CREB5: variants seen among roughly 807,000 people sequenced by gnomAD.
CREB5 encodes cyclic AMP-responsive element-binding protein 5.
In CREB5, 19 loss-of-function variants were observed where a neutral mutation model predicts 57.1. The ratio of observed to expected loss-of-function variants is 0.33; its 90% confidence interval spans 0.23 to 0.49. The LOEUF is 0.49. CREB5 is among the 20% of genes least tolerant of loss of function. CREB5 has a pLI of 0.99. For missense variants in CREB5, 579 were observed against 671.6 expected (o/e 0.86, Z 1.52); for synonymous variants, 238 against 238.3 (o/e 1.00, Z 0.01).
In CREB5 at chr7:28,821,903, C is replaced by T. The variant is rs1251151612; in HGVS notation, c.*2624C>T. On this transcript the variant is annotated 3_prime_UTR_variant, in exon 11 of 11. Coordinates refer to ENST00000357727, the MANE Select transcript of CREB5 (RefSeq NM_182898.4). ...TTAATAAAATGGATTTTTAAAAAAT[C>T]CACTAGTAATATCAGAATGTCCAGG... 1 of 152,568 alleles carries T rather than the reference C, an allele frequency of 6.6e-6. No homozygotes were observed. Among genetic ancestry groups the T allele is most frequent in the Non-Finnish European group, 1.5e-5 (1 of 68,030 alleles). The allele number at this position is 152,568 out of a possible 1,614,324, so 9.5% of individuals were successfully genotyped here.
At chr7:28,608,113 T>TCTCTCTCTCACACACA in intron 5 of CREB5, among the ~76,000 whole-genome samples, 1 of 143,178 alleles carries the variant, frequency 7.0e-6, no homozygotes, top group African/African-American at 2.7e-5. Flanking sequence ...TCTCTCTCTC[T>TCTCTCTCTCACACACA]CACACACACT....
intron 4 of CREB5, among the ~76,000 whole-genome samples, chr7:28,533,401 A>G (rs1793816464): frequency 6.6e-6 from 1 of 152,220 alleles, no homozygotes; most frequent in African/African-American, 2.4e-5. Flanking sequence ...TCCGGGCCAT[A>G]AGACACATGG....
chr7:28,765,569 T>C (rs1805917628), intron 7 of CREB5, among the ~76,000 whole-genome samples: 1 of 151,968 alleles, frequency 6.6e-6, no homozygotes, highest in Non-Finnish European at 1.5e-5. Flanking sequence ...GGAGCCATGA[T>C]ATAGGTAGAC....
chr7:28,334,790 C>T (rs1451164090), intron 1 of CREB5, among the ~76,000 whole-genome samples: 1 of 152,110 alleles, frequency 6.6e-6, no homozygotes, highest in Admixed American at 6.5e-5. Flanking sequence ...AGTCCAATGT[C>T]CTGGAGAGTT....
chr7:28,570,700 T>C (rs995158184), intron 5 of CREB5, among the ~76,000 whole-genome samples, 163 bp downstream of exon 5: 2 of 152,114 alleles, frequency 1.3e-5, no homozygotes, highest in Non-Finnish European at 1.5e-5. Context: ...GAGGAGTCTC[T>C]GCTTGGTAGA....
intron 4 of CREB5, among the ~76,000 whole-genome samples, chr7:28,551,996 TTCTC>T (rs890435394): frequency 1.6e-4 from 4 of 25,252 alleles, no homozygotes; most frequent in Non-Finnish European, 2.4e-4. Flanking sequence ...TTTCTCTCTT[TTCTC>T]TCTCTCTCTC....
chr7:28,367,316 G>A (rs73086452), intron 1 of CREB5, among the ~76,000 whole-genome samples: 27,153 of 152,050 alleles, frequency 0.18, 2,756 homozygotes, highest in South Asian at 0.27. Flanking sequence ...GGCCCAATTG[G>A]CATCCCACAC....
intron 7 of CREB5, among the ~76,000 whole-genome samples, chr7:28,770,464 A>G (rs1308752680): frequency 6.6e-6 from 1 of 152,242 alleles, no homozygotes; most frequent in Non-Finnish European, 1.5e-5. Context: ...AAGTATGAGA[A>G]AGAGAAAGAA....
At chr7:28,638,574 T>A (rs1257886111) in intron 5 of CREB5, among the ~76,000 whole-genome samples, 2 of 152,112 alleles carry the variant, frequency 1.3e-5, no homozygotes, top group Non-Finnish European at 2.9e-5. Context: ...CTTGAATTCC[T>A]GGGCTCAAGA....
At chr7:28,506,713 A>G (rs1792491554) in intron 3 of CREB5, among the ~76,000 whole-genome samples, 1 of 152,248 alleles carries the variant, frequency 6.6e-6, no homozygotes, top group African/African-American at 2.4e-5. Context: ...CAACTCAAGT[A>G]CACCTTCACC....
At chr7:28,539,108 C>A (rs1794097271) in intron 4 of CREB5, among the ~76,000 whole-genome samples, 1 of 152,222 alleles carries the variant, frequency 6.6e-6, no homozygotes, top group Admixed American at 6.5e-5. Context: ...GTTGCTTAAT[C>A]TCTACATGTC....
chr7:28,675,306 T>TGA (rs1800266029), intron 5 of CREB5, among the ~76,000 whole-genome samples: 1 of 152,228 alleles, frequency 6.6e-6, no homozygotes, highest in Non-Finnish European at 1.5e-5. Flanking sequence ...TTGTTTTGTT[T>TGA]CCTTCTGTGT....
intron 7 of CREB5, among the ~76,000 whole-genome samples, chr7:28,767,738 T>C (rs746917480): frequency 1.1e-4 from 16 of 152,246 alleles, no homozygotes; most frequent in Non-Finnish European, 1.5e-4. Flanking sequence ...CTAAGTTGCA[T>C]CGCATCTGTA....
At chr7:28,437,582 G>A (rs1411916159) in intron 1 of CREB5, among the ~76,000 whole-genome samples, 2 of 152,068 alleles carry the variant, frequency 1.3e-5, no homozygotes, top group Non-Finnish European at 1.5e-5. Context: ...CCTAAGTTTA[G>A]TGACATTAAT....
At chr7:28,328,605 G>A (rs551066202) in intron 1 of CREB5, among the ~76,000 whole-genome samples, 1 of 152,278 alleles carries the variant, frequency 6.6e-6, no homozygotes, top group East Asian at 1.9e-4. Flanking sequence ...TATTTGCTGA[G>A]CACTTATTAT....
intron 7 of CREB5, among the ~76,000 whole-genome samples, chr7:28,784,662 T>A (rs990843479): frequency 5.9e-5 from 9 of 152,164 alleles, no homozygotes; most frequent in African/African-American, 1.9e-4. Context: ...ATTTGTCTGC[T>A]ACCCTGGCAG....
intron 1 of CREB5, among the ~76,000 whole-genome samples, chr7:28,302,526 A>T (rs1785114338): frequency 6.6e-6 from 1 of 152,192 alleles, no homozygotes; most frequent in Non-Finnish European, 1.5e-5. Context: ...TGGAGGAGAT[A>T]TTAGATTTTG....
At chr7:28,727,906 A>G (rs1225046933) in intron 7 of CREB5, among the ~76,000 whole-genome samples, 1 of 152,108 alleles carries the variant, frequency 6.6e-6, no homozygotes, top group Non-Finnish European at 1.5e-5. Flanking sequence ...TCCTCAGTAC[A>G]GCCCCACAAC....
intron 5 of CREB5, among the ~76,000 whole-genome samples, chr7:28,635,230 G>A (rs890346882): frequency 1.3e-5 from 2 of 152,172 alleles, no homozygotes; most frequent in Non-Finnish European, 2.9e-5. Context: ...AACTACCACA[G>A]GGCCACTGAT....
Sources: gnomAD v4.1 joint callset for allele counts (sites outside exome capture counted in the v4.1 genomes callset) on GRCh38, gnomAD v4.1.1 for gene constraint, MANE v1.5 for transcripts, NCBI Gene and HGNC (gene_info 2026-07-23, HGNC 2026-07-21) for gene names.